ZNF554: variants seen among roughly 807,000 people sequenced by gnomAD.
ZNF554 encodes the protein zinc finger protein 554.
Under a neutral mutation model 21.2 loss-of-function variants are expected in ZNF554, and 15 were observed. That is an observed-to-expected ratio of 0.71 (90% CI 0.47 to 1.09). The LOEUF is 1.09. Ranked by LOEUF, ZNF554 falls within the 50% of genes least tolerant of loss-of-function variation. The pLI, the probability that ZNF554 is intolerant of heterozygous loss-of-function variation, is 0.00. For missense variants in ZNF554, 691 were observed against 662.7 expected (o/e 1.04, Z -0.47); for synonymous variants, 258 against 251.4 (o/e 1.03, Z -0.25).
chr19:2,827,424 T>A (rs111262468), intron 2 of ZNF554, among the ~76,000 whole-genome samples, 193 bp from the exon 3 acceptor site: 9 of 152,272 alleles, frequency 5.9e-5, no homozygotes, highest in African/African-American at 2.2e-4. Context: ...GTGTTGATGG[T>A]GGGCCTAGGG....
intron 3 of ZNF554, among the ~76,000 whole-genome samples, chr19:2,828,755 C>A (rs983271136): frequency 6.6e-6 from 1 of 151,520 alleles, no homozygotes; most frequent in African/African-American, 2.4e-5. Context: ...AGGACACTTA[C>A]AATCACGGCA....
At position 2,821,395 on chromosome 19, in the gene ZNF554, C is replaced by T. The variant is rs1205912948; in HGVS notation, c.53+1271C>T. Among the ~76,000 whole-genome samples, 1 of 151,964 alleles carries T rather than the reference C, an allele frequency of 6.6e-6. No individual in the cohort carries two copies. The highest frequency in any genetic ancestry group is 1.5e-5 in the Non-Finnish European group (1 of 68,042). ...GCGCCTTTGGTTCTTACATGAGCCT[C>T]CTGGAGCTGCTGTGACAATGCACCA... On this transcript the variant is annotated intron_variant, in intron 1 of 4. Coordinates refer to ENST00000317243, the MANE Select transcript of ZNF554 (RefSeq NM_001102651.2). The surrounding 1 kb of genome is among the most constrained non-coding windows in gnomAD (Gnocchi z 8.2).
rs568808763 is a variant in ZNF554 at position 2,836,140 on chromosome 19, G to A, written c.*1288G>A. 6.0e-5 allele frequency among the ~76,000 whole-genome samples: 9 copies of A among 150,506 alleles called. No homozygotes were observed. Among genetic ancestry groups the A allele is most frequent in the Non-Finnish European group, 1.3e-4 (9 of 67,652 alleles). On this transcript the variant is annotated 3_prime_UTR_variant, in exon 5 of 5. Transcript: ENST00000317243. Reference sequence around the variant, plus strand: ...GTGTGAGCCACCGTGCTGGTATTACGGGTGTGAGCCACTGTGCTGGGATTA... The same window carrying A: ...GTGTGAGCCACCGTGCTGGTATTACAGGTGTGAGCCACTGTGCTGGGATTA...
rs372295867 is a variant in ZNF554, at chr19:2,833,915, A to G, written c.680A>G (p.Asn227Ser). ...TGGCATGGATTTGGGGAAAATGGTA[A>G]TCTGAGCCCAGCCCTTGTTTTATCA... ...TAWHGFGENG[N>S]LSPALVLSQG... The change falls in exon 5 of 5, where the codon AAT (asparagine) becomes AGT (serine). Residue 227 changes from asparagine (N) to serine (S), a missense_variant. Transcript: ENST00000317243. 5.6e-6 allele frequency: 9 copies of G among 1,613,996 alleles called. No individual in the cohort carries two copies. The Admixed American group carries it at 1.2e-4, about 21-fold the overall frequency.
rs1438360706 is a variant in ZNF554 at position 2,821,838 on chromosome 19, A to G, written c.54-1202A>G. 6.7e-6 allele frequency among the ~76,000 whole-genome samples: 1 copy of G among 150,262 alleles called. No homozygotes were observed. The highest frequency in any genetic ancestry group is 1.5e-5 in the Non-Finnish European group (1 of 67,520). On this transcript the variant is annotated intron_variant, in intron 1 of 4. Coordinates refer to ENST00000317243, the MANE Select transcript of ZNF554 (RefSeq NM_001102651.2). The surrounding 1 kb of genome is among the most constrained non-coding windows in gnomAD (Gnocchi z 8.2). Reference sequence around the variant, plus strand: ...GCCACCACACCCAGCTAATTTTTGTATTTTTAGTAGAGACGGGGGTTTTGC... The same window carrying G: ...GCCACCACACCCAGCTAATTTTTGTGTTTTTAGTAGAGACGGGGGTTTTGC...
chr19:2,827,238 C>T (rs2087347555), intron 2 of ZNF554, among the ~76,000 whole-genome samples: 1 of 152,182 alleles, frequency 6.6e-6, no homozygotes, highest in African/African-American at 2.4e-5. Context: ...AGCAATATAC[C>T]TGCAGTCCCA....
chr19:2,820,837 G>T (rs553256168), intron 1 of ZNF554, among the ~76,000 whole-genome samples: 1 of 148,998 alleles, frequency 6.7e-6, no homozygotes, highest in African/African-American at 2.5e-5. Context: ...GCTAATTTTT[G>T]CATTTTTAGT....
chr19:2,827,884 A>G (rs1213390827), intron 3 of ZNF554, 141 bp downstream of exon 3: 6 of 1,057,212 alleles, frequency 5.7e-6, no homozygotes, highest in African/African-American at 4.9e-5. Context: ...TCAGTTCCAC[A>G]TGGCCGGGGA....
rs189299119 is a variant in ZNF554, at chr19:2,823,045, C to T, written c.59C>T (p.Ala20Val). 29 of 1,613,512 alleles carry T rather than the reference C, an allele frequency of 1.8e-5. No homozygotes were observed. The highest frequency in any genetic ancestry group is 2.4e-5 in the Non-Finnish European group (28 of 1,179,578). The change falls in exon 2 of 5, where the codon GCC becomes GTC. Residue 20 changes from alanine to valine, a missense_variant. Physicochemically the swap from Ala to Val is moderately conservative, Grantham distance 64. Transcript: ENST00000317243. The part of the protein sequence containing the change: ...RARLPAAQPS[A>V]CPGTCFSQEE... Reference sequence around the variant, plus strand: ...CGCCTTTTTCCTCCCCACAGCTCTGCCTGCCCAGGAACCTGCTTTTCCCAA... The same window carrying T: ...CGCCTTTTTCCTCCCCACAGCTCTGTCTGCCCAGGAACCTGCTTTTCCCAA...
At chr19:2,822,048 T>C (rs957271223) in intron 1 of ZNF554, among the ~76,000 whole-genome samples, 1 of 151,876 alleles carries the variant, frequency 6.6e-6, no homozygotes, top group Non-Finnish European at 1.5e-5. Flanking sequence ...TTGTTTCTTC[T>C]TTTCCTTATC....
chr19:2,836,709 T>A lies in ZNF554; in HGVS notation c.*1857T>A, dbSNP rs138591062. The stretch of plus-strand genomic sequence containing the variant: ...ACAAATCAAATAGCACCCAAAATTG[T>A]GAAGGATACGGAACCTCATTGATGA... On this transcript the variant is annotated 3_prime_UTR_variant, in exon 5 of 5. Coordinates refer to ENST00000317243, the MANE Select transcript of ZNF554 (RefSeq NM_001102651.2). Among the ~76,000 whole-genome samples the A allele has an allele frequency of 2.6e-4, 39 of 152,304 alleles. No homozygotes were observed. The highest frequency in any genetic ancestry group is 6.8e-3 in the Middle Eastern group (2 of 294).
chr19:2,822,372 G>A (rs1394558140), intron 1 of ZNF554, among the ~76,000 whole-genome samples: 2 of 152,104 alleles, frequency 1.3e-5, no homozygotes, highest in Non-Finnish European at 2.9e-5. Flanking sequence ...GCCTTCAGAG[G>A]GAGTACAGCC....
At chr19:2,823,623 G>A (rs1161416014) in intron 2 of ZNF554, among the ~76,000 whole-genome samples, 2 of 152,064 alleles carry the variant, frequency 1.3e-5, no homozygotes, top group Non-Finnish European at 2.9e-5. Context: ...CTCTCAGCAG[G>A]GACGGTAGCT....
intron 2 of ZNF554, among the ~76,000 whole-genome samples, chr19:2,826,894 C>T (rs1055921129): frequency 7.2e-5 from 11 of 152,026 alleles, no homozygotes; most frequent in African/African-American, 2.7e-4. Context: ...GATCTCCTGA[C>T]GTCGTGATCC....
At chr19:2,832,226 C>A in intron 3 of ZNF554, 77 bp from the exon 4 acceptor site, 2 of 1,434,680 alleles carry the variant, frequency 1.4e-6, no homozygotes, top group Non-Finnish European at 1.9e-6. Flanking sequence ...ATGCCTGGCA[C>A]AGATCTGTAA....
rs2087238970 is a variant in ZNF554, at chr19:2,819,899, T to TTGG, written c.-169_-167dup. On this transcript the variant is annotated 5_prime_UTR_variant, in exon 1 of 5. Coordinates refer to ENST00000317243, the MANE Select transcript of ZNF554 (RefSeq NM_001102651.2). ...GAGTTTACCTCTGCGCGCGTCGGGG[T>TTGG]TGGTGGCGGCGGCTGCGGCGAGTTC... is the stretch of plus-strand genomic sequence containing the variant. 2 of 357,186 alleles carry TTGG rather than the reference T, an allele frequency of 5.6e-6. No individual in the cohort carries two copies. 22.1% of individuals were successfully genotyped at this position (357,186 alleles called of 1,614,324 possible). A position where few individuals can be genotyped will look rare whatever the true frequency, so the allele number is the denominator to read the frequency against.
chr19:2,828,764 C>T (rs1017924339), intron 3 of ZNF554, among the ~76,000 whole-genome samples: 4 of 151,780 alleles, frequency 2.6e-5, no homozygotes, highest in Non-Finnish European at 5.9e-5. Context: ...ACAATCACGG[C>T]AGAAGGGGAA....
At chr19:2,832,222 G>C in intron 3 of ZNF554, 81 bp from the exon 4 acceptor site, 1 of 1,406,576 alleles carries the variant, frequency 7.1e-7, no homozygotes, top group Non-Finnish European at 9.6e-7. Context: ...CACCATGCCT[G>C]GCACAGATCT....
At position 2,827,702 on chromosome 19, in the gene ZNF554, G is replaced by A. The variant is rs200843903; in HGVS notation, c.212G>A (p.Arg71Lys). The A allele has an allele frequency of 7.7e-5, 125 of 1,614,092 alleles. No homozygotes were observed. The African/African-American group carries it at 1.4e-3, about 19-fold the overall frequency. ...GAGCCTGCTCAGAAGAACCTGTACA[G>A]AGAGGTGATGCTGGAGAACTACAGG... ...LLEPAQKNLY[R>K]EVMLENYRNV... The change falls in exon 3 of 5, where the codon AGA becomes AAA. Residue 71 changes from arginine to lysine, a missense_variant. Arg to Lys is a conservative substitution (Grantham distance 26). Coordinates refer to ENST00000317243, the MANE Select transcript of ZNF554 (RefSeq NM_001102651.2).
Sources: gnomAD v4.1 joint callset for allele counts (sites outside exome capture counted in the v4.1 genomes callset) on GRCh38, gnomAD v4.1.1 for gene constraint, Gnocchi (gnomAD v3.1) non-coding constraint, MANE v1.5 for transcripts, NCBI Gene and HGNC (gene_info 2026-07-23, HGNC 2026-07-21) for gene names.